Variants in DENND4C observed in about 807,000 individuals in gnomAD.
DENND4C encodes DENN domain-containing protein 4C.
A neutral mutation model predicts 203.0 loss-of-function variants in DENND4C; 108 were observed. The ratio of observed to expected loss-of-function variants is 0.53; its 90% CI spans 0.46 to 0.62. The LOEUF (loss-of-function observed/expected upper bound fraction) is 0.62. DENND4C is among the 20% of genes least tolerant of loss of function. The pLI is 0.00. For synonymous variants in DENND4C, 871 were observed against 792.4 expected (o/e 1.10, Z -1.67); for missense variants, 2,481 against 2,301.2 (o/e 1.08, Z -1.60).
chr9:19,346,199 G>T lies in DENND4C; in HGVS notation c.3430G>T (p.Ala1144Ser), dbSNP rs145876383. ...TCPKTSLLHI[A>S]RTHSFENVSC... ...TCCTAAGACTTCTCTACTTCATATT[G>T]CAAGAACCCATAGCTTTGAGAATGT... Residue 1144 changes from alanine to serine, a missense_variant, in exon 23 of 33, where the codon GCA (alanine) becomes TCA (serine). Coordinates refer to ENST00000434457, the MANE Select transcript of DENND4C (RefSeq NM_001330640.2). The T allele has an allele frequency of 8.1e-6, 13 of 1,614,126 alleles. No homozygotes were observed. Among genetic ancestry groups the T allele is most frequent in the Non-Finnish European group, 1.1e-5 (13 of 1,180,008 alleles).
chr9:19,248,252 T>C (rs1177606470), intron 1 of DENND4C, among the ~76,000 whole-genome samples: 1 of 152,238 alleles, frequency 6.6e-6, no homozygotes, highest in Non-Finnish European at 1.5e-5. Context: ...CTGGCCTTGC[T>C]GTTCCTCAAA....
chr9:19,282,715 C>CTTTTTTTTTT (rs1554717864), intron 2 of DENND4C, among the ~76,000 whole-genome samples: 4 of 86,638 alleles, frequency 4.6e-5, no homozygotes, highest in African/African-American at 1.8e-4. Context: ...TTTCTTCTCT[C>CTTTTTTTTTT]TTTTTTTTTT....
intron 1 of DENND4C, among the ~76,000 whole-genome samples, chr9:19,246,207 C>G (rs1825211983): frequency 6.6e-6 from 1 of 152,178 alleles, no homozygotes. Context: ...CAAGGCAAAA[C>G]TTCAACCCCG....
At chr9:19,246,312 A>C (rs1285753584) in intron 1 of DENND4C, among the ~76,000 whole-genome samples, 1 of 152,112 alleles carries the variant, frequency 6.6e-6, no homozygotes, top group African/African-American at 2.4e-5. Flanking sequence ...TCTCACTTTA[A>C]ATTTATGACC....
At chr9:19,322,833 C>G (rs1022026365) in intron 12 of DENND4C, among the ~76,000 whole-genome samples, 12 of 151,644 alleles carry the variant, frequency 7.9e-5, no homozygotes, top group African/African-American at 2.2e-4. Context: ...CCCTAAAACA[C>G]TTAGTAGAAA....
intron 1 of DENND4C, among the ~76,000 whole-genome samples, chr9:19,263,717 C>T (rs1260455077): frequency 3.4e-5 from 5 of 146,702 alleles, no homozygotes; most frequent in Admixed American, 6.8e-5. Context: ...TGCAATGGCA[C>T]GATCTGGGCT....
chr9:19,272,541 G>C (rs1287616449), intron 1 of DENND4C, among the ~76,000 whole-genome samples: 1 of 152,032 alleles, frequency 6.6e-6, no homozygotes, highest in Non-Finnish European at 1.5e-5. Flanking sequence ...AGAGACATGA[G>C]CCAATGTGCC....
chr9:19,249,396 G>A (rs1826021933), intron 1 of DENND4C, among the ~76,000 whole-genome samples: 1 of 151,846 alleles, frequency 6.6e-6, no homozygotes, highest in Non-Finnish European at 1.5e-5. Flanking sequence ...GGGATTACAG[G>A]TGCCTGCCAC....
rs151329052 is a variant in DENND4C at position 19,345,890 on chromosome 9, T to C, written c.3152-31T>C. On this transcript the variant is annotated intron_variant, in intron 22 of 32. Transcript: ENST00000434457. ...AATAAAAGTTAACTTGGAAAATAGG[T>C]TCATTGTTAATATTTTACTTTCCCT... 217 of 1,513,168 alleles carry C rather than the reference T, an allele frequency of 1.4e-4. 3 individuals are homozygous for C. The highest frequency in any genetic ancestry group is 1.1e-3 in the Middle Eastern group (6 of 5,452). The allele number at this position is 1,513,168 out of a possible 1,614,324, so 93.7% of individuals were successfully genotyped here.
intron 21 of DENND4C, 36 bp from the exon 22 acceptor site, chr9:19,342,597 A>G: frequency 6.4e-7 from 1 of 1,557,752 alleles, no homozygotes. Flanking sequence ...ATATTGGCAA[A>G]AGTAGGAATG....
intron 1 of DENND4C, among the ~76,000 whole-genome samples, chr9:19,252,495 T>C (rs934708163): frequency 2.6e-5 from 4 of 152,028 alleles, no homozygotes; most frequent in East Asian, 1.9e-4. Context: ...AATGGGAGGA[T>C]TGTTTGAGCC....
intron 1 of DENND4C, among the ~76,000 whole-genome samples, chr9:19,252,130 T>C (rs866112035): frequency 6.6e-6 from 1 of 152,196 alleles, no homozygotes; most frequent in Admixed American, 6.5e-5. Flanking sequence ...TACAGTTCCA[T>C]GTGGCTGGGG....
chr9:19,341,014 C>G lies in DENND4C; in HGVS notation c.2904C>G (p.Tyr968Ter), dbSNP rs141332059. Residue 968 changes from tyrosine (Y) to a stop codon, truncating the protein, a stop_gained, in exon 21 of 33, where the codon TAC becomes TAG. Transcript: ENST00000434457. LOFTEE classifies it high-confidence loss of function. ...SSTGGQSDQG[Y>*]GSKDELIKDD... ...CAGGTGGTCAGTCTGACCAAGGATA[C>G]GGGTCTAAGGATGAACTTATAAAGG... The G allele has an allele frequency of 6.2e-7, 1 of 1,609,612 alleles. No individual in the cohort carries two copies. The highest frequency in any genetic ancestry group is 1.7e-5 in the Admixed American group (1 of 59,508).
chr9:19,314,396 G>T (rs891163130), intron 10 of DENND4C, among the ~76,000 whole-genome samples: 5 of 152,142 alleles, frequency 3.3e-5, no homozygotes, highest in Non-Finnish European at 7.4e-5. Flanking sequence ...GGAGGTTGCA[G>T]TGAGCCAAGA....
In DENND4C at chr9:19,345,844, C is replaced by T; in HGVS notation, c.3152-77C>T. On this transcript the variant is annotated intron_variant, in intron 22 of 32. Transcript: ENST00000434457. Reference sequence around the variant, plus strand: ...TCTGAGTATATGTCACATTCATAATCAGGAAAACAATAAATATTTTAATAA... The same window carrying T: ...TCTGAGTATATGTCACATTCATAATTAGGAAAACAATAAATATTTTAATAA... 3 of 1,297,304 alleles carry T rather than the reference C, an allele frequency of 2.3e-6. No homozygotes were observed. The South Asian group carries it at 4.5e-5, about 19-fold the overall frequency. 80.4% of individuals were successfully genotyped at this position (1,297,304 alleles called of 1,614,324 possible). A position where few individuals can be genotyped will look rare whatever the true frequency, so the allele number is the denominator to read the frequency against.
At chr9:19,318,044 C>T (rs1003622385) in intron 12 of DENND4C, among the ~76,000 whole-genome samples, 3 of 152,198 alleles carry the variant, frequency 2.0e-5, no homozygotes, top group East Asian at 1.9e-4. Context: ...CTCTAATGGG[C>T]GCAGTGGCTC....
chr9:19,301,573 A>T (rs1533109), intron 9 of DENND4C, among the ~76,000 whole-genome samples: 113,658 of 152,126 alleles, frequency 0.75, 44,069 homozygotes, highest in East Asian at 0.99. Flanking sequence ...CCAAGTCATC[A>T]CAGTTGTGTG....
chr9:19,366,939 T>G (rs1827807538), intron 30 of DENND4C, among the ~76,000 whole-genome samples: 1 of 152,184 alleles, frequency 6.6e-6, no homozygotes, highest in Non-Finnish European at 1.5e-5. Flanking sequence ...AGGAGATATT[T>G]GCAAATCATA....
At chr9:19,319,449 C>CAT (rs1171255809) in intron 12 of DENND4C, among the ~76,000 whole-genome samples, 37 of 140,718 alleles carry the variant, frequency 2.6e-4, no homozygotes, top group African/African-American at 7.9e-4. Flanking sequence ...TATATATATA[C>CAT]ATATATATAT....
Sources: allele counts gnomAD v4.1 joint callset (sites outside exome capture counted in the v4.1 genomes callset), GRCh38; gene constraint gnomAD v4.1.1; transcripts MANE v1.5; gene names NCBI Gene and HGNC (gene_info 2026-07-23, HGNC 2026-07-21).